The following PDZRN3 variants were observed in gnomAD, a reference collection of about 807,000 sequenced individuals.
PDZRN3 encodes E3 ubiquitin-protein ligase PDZRN3.
PDZRN3 carries 38 observed loss-of-function variants against 85.7 expected under a neutral mutation model. The ratio of observed to expected loss-of-function variants is 0.44; its 90% CI spans 0.34 to 0.58. The LOEUF (loss-of-function observed/expected upper bound fraction) is 0.58. PDZRN3 is among the 20% of genes least tolerant of loss of function. The pLI, the probability that PDZRN3 is intolerant of heterozygous loss-of-function variation, is 0.01. For missense variants in PDZRN3, 1,629 were observed against 1,506.4 expected (o/e 1.08, Z -1.35); for synonymous variants, 759 against 638.0 (o/e 1.19, Z -2.86).
At position 73,383,974 on chromosome 3, in the gene PDZRN3, G is replaced by GTGAT; in HGVS notation, c.2588_2591dup (p.His864GlnfsTer149). 6.3e-7 allele frequency: 1 copy of GTGAT among 1,594,926 alleles called. No homozygotes were observed. Among genetic ancestry groups the GTGAT allele is most frequent in the Non-Finnish European group, 8.5e-7 (1 of 1,172,036 alleles). On this transcript the variant is annotated frameshift_variant, in exon 10 of 10. Coordinates refer to ENST00000263666, the MANE Select transcript of PDZRN3 (RefSeq NM_015009.3). LOFTEE classifies it high-confidence loss of function. Reference sequence around the variant, plus strand: ...TGTGCGCGTGCTTGTATGGGGAGTGGTGATAGGAGGGCAGGTAGGCGCTGC... The same window carrying GTGAT: ...TGTGCGCGTGCTTGTATGGGGAGTGGTGATTGATAGGAGGGCAGGTAGGCGCTGC...
chr3:73,550,825 G>A (rs777431032), intron 3 of PDZRN3, among the ~76,000 whole-genome samples: 3 of 152,152 alleles, frequency 2.0e-5, no homozygotes, highest in South Asian at 2.1e-4. Flanking sequence ...ACAAAAACAC[G>A]CTGTTTCAGG....
At chr3:73,612,594 G>C (rs934742416) in intron 1 of PDZRN3, among the ~76,000 whole-genome samples, 1 of 152,228 alleles carries the variant, frequency 6.6e-6, no homozygotes, top group South Asian at 2.1e-4. Context: ...CAAGGAAGCA[G>C]AGAAGGTGAA....
chr3:73,584,667 T>C (rs1018974605), intron 3 of PDZRN3, among the ~76,000 whole-genome samples: 5 of 152,222 alleles, frequency 3.3e-5, no homozygotes, highest in Admixed American at 2.6e-4. Flanking sequence ...TACTATGGTA[T>C]GTCCTTAACA....
intron 3 of PDZRN3, among the ~76,000 whole-genome samples, chr3:73,598,781 G>C (rs186632814): frequency 6.6e-6 from 1 of 152,114 alleles, no homozygotes; most frequent in African/African-American, 2.4e-5. Flanking sequence ...AGTCTAGCTG[G>C]AAGAAAGGGA....
At chr3:73,464,545 A>G (rs1456721854) in intron 3 of PDZRN3, among the ~76,000 whole-genome samples, 1 of 152,204 alleles carries the variant, frequency 6.6e-6, no homozygotes, top group African/African-American at 2.4e-5. Context: ...TATAAATGAT[A>G]ACTATTCTGT....
chr3:73,481,215 G>C (rs1214881794), intron 3 of PDZRN3, among the ~76,000 whole-genome samples: 1 of 152,132 alleles, frequency 6.6e-6, no homozygotes, highest in Non-Finnish European at 1.5e-5. Context: ...GCACAGCAGA[G>C]GGTAAATGGG....
In PDZRN3 at chr3:73,624,283, G is replaced by A; in HGVS notation, c.543C>T (p.His181=). The change falls in exon 1 of 10, where the codon CAC becomes CAT. Residue 181 remains histidine, a synonymous_variant. Coordinates refer to ENST00000263666, the MANE Select transcript of PDZRN3 (RefSeq NM_015009.3). ...GALQARLGAL[H]KALKKEALRA... ...GCAGCGCCTCCTTCTTGAGCGCCTT[G>A]TGCAGCGCGCCCAGGCGGGCCTGGA... 1 of 1,380,078 alleles carries A rather than the reference G, an allele frequency of 7.2e-7. No homozygotes were observed. The highest frequency in any genetic ancestry group is 9.3e-7 in the Non-Finnish European group (1 of 1,075,268). 85.5% of individuals were successfully genotyped at this position (1,380,078 alleles called of 1,614,324 possible).
At chr3:73,443,044 C>T (rs759103754) in intron 3 of PDZRN3, among the ~76,000 whole-genome samples, 2 of 152,158 alleles carry the variant, frequency 1.3e-5, no homozygotes, top group South Asian at 4.1e-4. Flanking sequence ...CAAGTGGGGG[C>T]GTGGGAATCC....
chr3:73,455,299 G>C (rs1050691027), intron 3 of PDZRN3, among the ~76,000 whole-genome samples: 3 of 152,184 alleles, frequency 2.0e-5, no homozygotes, highest in African/African-American at 7.2e-5. Context: ...GACAAGAAAG[G>C]TGGGGTCTAG....
chr3:73,386,862 G>A (rs1701404057), intron 8 of PDZRN3, among the ~76,000 whole-genome samples: 1 of 151,324 alleles, frequency 6.6e-6, no homozygotes, highest in Admixed American at 6.6e-5. Flanking sequence ...CTGTCTCTCG[G>A]CTTTTTCAAT....
chr3:73,450,246 G>A (rs1473577452), intron 3 of PDZRN3, among the ~76,000 whole-genome samples: 1 of 152,150 alleles, frequency 6.6e-6, no homozygotes, highest in Admixed American at 6.5e-5. Flanking sequence ...ACATGCCACT[G>A]ATCCCATATG....
chr3:73,510,021 T>C (rs559008089), intron 3 of PDZRN3, among the ~76,000 whole-genome samples: 45 of 152,348 alleles, frequency 3.0e-4, no homozygotes, highest in African/African-American at 1.1e-3. Context: ...CTGATTCATC[T>C]GTCGTACACT....
Position 73,384,637 on chromosome 3 carries a change from G to A in PDZRN3, c.1929C>T (p.Cys643=), listed in dbSNP as rs368693865. 7.4e-6 allele frequency: 12 copies of A among 1,613,692 alleles called. No individual in the cohort carries two copies. The highest frequency in any genetic ancestry group is 5.3e-5 in the African/African-American group (4 of 74,922). Residue 643 remains cysteine (C), a synonymous_variant, in exon 10 of 10, where the codon TGC becomes TGT. Coordinates refer to ENST00000263666, the MANE Select transcript of PDZRN3 (RefSeq NM_015009.3). ...ADYLGIPVDE[C]ERFRELLELK... ...GCTCCAGGAGCTCGCGGAAGCGCTC[G>A]CACTCGTCCACCGGGATCCCCAGGT...
intron 3 of PDZRN3, chr3:73,433,878 C>A (rs1019659295): frequency 4.2e-6 from 6 of 1,432,870 alleles, no homozygotes; most frequent in East Asian, 2.5e-5. Context: ...TCTCTCCCCC[C>A]TTCCACGCTT....
chr3:73,591,486 A>G (rs1559750773), intron 3 of PDZRN3, among the ~76,000 whole-genome samples: 1 of 152,328 alleles, frequency 6.6e-6, no homozygotes, highest in East Asian at 1.9e-4. Flanking sequence ...AAGAAATAAA[A>G]AACAAATTAA....
At chr3:73,450,107 C>T (rs952176577) in intron 3 of PDZRN3, among the ~76,000 whole-genome samples, 4 of 152,114 alleles carry the variant, frequency 2.6e-5, no homozygotes, top group African/African-American at 9.7e-5. Context: ...ATAAGTCAGC[C>T]CAGTTCCACT....
chr3:73,469,050 T>C (rs935198368), intron 3 of PDZRN3, among the ~76,000 whole-genome samples: 1 of 152,078 alleles, frequency 6.6e-6, no homozygotes, highest in African/African-American at 2.4e-5. Context: ...ATATCTATTT[T>C]ATTTCTTTCA....
chr3:73,490,979 G>A (rs1703759342), intron 3 of PDZRN3, among the ~76,000 whole-genome samples: 1 of 152,210 alleles, frequency 6.6e-6, no homozygotes, highest in Non-Finnish European at 1.5e-5. Flanking sequence ...AATATCAGGA[G>A]ACAGCAAAAG....
chr3:73,450,612 T>C (rs550397969), intron 3 of PDZRN3, among the ~76,000 whole-genome samples: 37 of 152,358 alleles, frequency 2.4e-4, no homozygotes, highest in African/African-American at 7.9e-4. Flanking sequence ...ACATTCCAAA[T>C]AGCTTGTGTG....
Sources: gnomAD v4.1 joint callset for allele counts (sites outside exome capture counted in the v4.1 genomes callset) on GRCh38, gnomAD v4.1.1 for gene constraint, MANE v1.5 for transcripts, NCBI Gene and HGNC (gene_info 2026-07-23, HGNC 2026-07-21) for gene names.